The following EHMT1 variants were observed in gnomAD, a reference collection of about 807,000 sequenced individuals.
EHMT1 encodes the protein histone-lysine N-methyltransferase EHMT1.
A neutral mutation model predicts 147.2 loss-of-function variants in EHMT1; 15 were observed. That is an observed-to-expected ratio of 0.10 (90% CI 0.07 to 0.16). EHMT1 has a LOEUF of 0.16. EHMT1 is among the 10% of genes least tolerant of loss of function. The pLI is 1.00. For synonymous variants in EHMT1, 795 were observed against 709.6 expected (o/e 1.12, Z -1.91); for missense variants, 1,587 against 1,772.4 (o/e 0.90, Z 1.88).
intron 1 of EHMT1, among the ~76,000 whole-genome samples, chr9:137,682,155 C>T (rs566282809): frequency 3.9e-5 from 6 of 152,008 alleles, no homozygotes; most frequent in East Asian, 1.9e-4. Context: ...TCTCCGTGTT[C>T]GTCAGGATGG....
At chr9:137,815,136 G>A (rs1364953605) in intron 22 of EHMT1, among the ~76,000 whole-genome samples, 3 of 152,148 alleles carry the variant, frequency 2.0e-5, no homozygotes, top group South Asian at 4.1e-4. Context: ...GTAAAGAGAC[G>A]CGAGCAGGGA....
rs1361231265 is a variant in EHMT1 at position 137,716,815 on chromosome 9, C to G, written c.275C>G (p.Ala92Gly). The G allele has an allele frequency of 2.5e-6, 4 of 1,613,178 alleles. No individual in the cohort carries two copies. Among genetic ancestry groups the G allele is most frequent in the East Asian group, 2.2e-5 (1 of 44,900 alleles). Residue 92 changes from alanine to glycine, a missense_variant, in exon 3 of 27, where the codon GCG becomes GGG. Physicochemically the swap from Ala to Gly is moderately conservative, Grantham distance 60. This residue lies in a region of EHMT1 where 810 missense variants were observed against 673.0 expected (regional missense o/e 1.20). Coordinates refer to ENST00000460843, the MANE Select transcript of EHMT1 (RefSeq NM_024757.5). Reference sequence around the variant, plus strand: ...GGCACCAACACACTAACTCGGATAGCGGAAAATGGGGTTTCAGAAAGAGAC... The same window carrying G: ...GGCACCAACACACTAACTCGGATAGGGGAAAATGGGGTTTCAGAAAGAGAC... ...QDGTNTLTRI[A>G]ENGVSERDSE...
chr9:137,798,695 A>G (rs1159159627), intron 16 of EHMT1, 118 bp from the exon 17 acceptor site: 6 of 849,118 alleles, frequency 7.1e-6, no homozygotes, highest in Admixed American at 5.2e-5. Context: ...TTGTCATTTG[A>G]GCAGGACAGT....
intron 1 of EHMT1, chr9:137,667,168 C>CT (rs1939760211): frequency 6.6e-6 from 1 of 152,200 alleles, no homozygotes; most frequent in African/African-American, 2.4e-5. Context: ...TGTGGGGATG[C>CT]TGTGCACTGG....
intron 2 of EHMT1, among the ~76,000 whole-genome samples, chr9:137,711,458 C>T (rs555175036): frequency 2.0e-5 from 3 of 152,244 alleles, no homozygotes; most frequent in East Asian, 1.9e-4. Context: ...GCATGACTGA[C>T]GCCGCGCCAT....
At position 137,834,336 on chromosome 9, in the gene EHMT1, T is replaced by C; in HGVS notation, c.3541-13T>C. 1 of 1,560,070 alleles carries C rather than the reference T, an allele frequency of 6.4e-7. No homozygotes were observed. The highest frequency in any genetic ancestry group is 8.6e-7 in the Non-Finnish European group (1 of 1,165,782). The stretch of plus-strand genomic sequence containing the variant: ...TTGCTAACTGCAGCCCGTGCCGGCT[T>C]CTCGCCCTGCAGGACGGGGAGGTTT... On this transcript the variant is annotated splice_polypyrimidine_tract_variant and intron_variant, in intron 25 of 26. Transcript: ENST00000460843.
rs1006681981 is a variant in EHMT1 at position 137,835,220 on chromosome 9, C to T, written c.*267C>T. 8.2e-6 allele frequency: 3 copies of T among 365,452 alleles called. No homozygotes were observed. Among genetic ancestry groups the T allele is most frequent in the Non-Finnish European group, 1.5e-5 (3 of 206,356 alleles). The allele number at this position is 365,452 out of a possible 1,614,324, so 22.6% of individuals were successfully genotyped here. A position where few individuals can be genotyped will look rare whatever the true frequency, so the allele number is the denominator to read the frequency against. On this transcript the variant is annotated 3_prime_UTR_variant, in exon 27 of 27. Coordinates refer to ENST00000460843, the MANE Select transcript of EHMT1 (RefSeq NM_024757.5). ...CCGCGCGCCAGAGACGCTGGGAGTCCGCACTGGCATCACCTTCTGAGTTTC... is the reference window on the plus strand; with the variant it reads ...CCGCGCGCCAGAGACGCTGGGAGTCTGCACTGGCATCACCTTCTGAGTTTC...
At chr9:137,722,615 C>G (rs9410040) in intron 3 of EHMT1, among the ~76,000 whole-genome samples, 136,187 of 150,498 alleles carry the variant, frequency 0.9, 61,743 homozygotes, top group African/African-American at 0.97. Context: ...CCTGCACCTG[C>G]GGTGTGCTCT....
chr9:137,691,569 A>G (rs1942940979), intron 1 of EHMT1, among the ~76,000 whole-genome samples: 1 of 152,200 alleles, frequency 6.6e-6, no homozygotes, highest in South Asian at 2.1e-4. Context: ...CCCCTTGGCT[A>G]TTGCAAGCAA....
chr9:137,635,034 C>T (rs189094341), intron 1 of EHMT1, among the ~76,000 whole-genome samples: 15 of 151,150 alleles, frequency 9.9e-5, no homozygotes, highest in Middle Eastern at 6.8e-3. Context: ...CTTGGATTTT[C>T]GTATGAGTTT....
chr9:137,716,651 C>G lies in EHMT1; in HGVS notation c.111C>G (p.Gly37=). ...AGACACCTATGGCTGCCGATGAAGGCTCAGCAGAGAAACAGGCAGGAGAGG... is the reference window on the plus strand; with the variant it reads ...AGACACCTATGGCTGCCGATGAAGGGTCAGCAGAGAAACAGGCAGGAGAGG... ...GEETPMAADE[G]SAEKQAGEAH... is the part of the protein sequence containing the mutation. Residue 37 remains glycine, a synonymous_variant, in exon 3 of 27, where the codon GGC becomes GGG. Coordinates refer to ENST00000460843, the MANE Select transcript of EHMT1 (RefSeq NM_024757.5). 5.0e-6 allele frequency: 8 copies of G among 1,586,026 alleles called. No homozygotes were observed. Among genetic ancestry groups the G allele is most frequent in the Non-Finnish European group, 6.9e-6 (8 of 1,163,474 alleles).
At chr9:137,659,039 G>A (rs1329548277) in intron 1 of EHMT1, among the ~76,000 whole-genome samples, 1 of 152,070 alleles carries the variant, frequency 6.6e-6, no homozygotes, top group Admixed American at 6.6e-5. Flanking sequence ...TTGAATGTGT[G>A]TAAAACGGCA....
chr9:137,802,740 C>T, intron 18 of EHMT1: 1 of 1,131,838 alleles, frequency 8.8e-7, no homozygotes, highest in Non-Finnish European at 1.1e-6. Context: ...ACGCAGGCCT[C>T]TCTGGAGTGA....
intron 25 of EHMT1, among the ~76,000 whole-genome samples, chr9:137,833,782 G>A (rs1329454848): frequency 6.6e-6 from 1 of 152,240 alleles, no homozygotes; most frequent in African/African-American, 2.4e-5. Context: ...ATCAGCACCC[G>A]GAAGGGCTGC....
At chr9:137,772,867 C>G (rs1950682326) in intron 10 of EHMT1, among the ~76,000 whole-genome samples, 1 of 152,112 alleles carries the variant, frequency 6.6e-6, no homozygotes, top group African/African-American at 2.4e-5. Context: ...TGTTTTATCT[C>G]TTTTTTCCCA....
At chr9:137,780,989 A>G (rs1951422040) in intron 14 of EHMT1, among the ~76,000 whole-genome samples, 1 of 142,216 alleles carries the variant, frequency 7.0e-6, no homozygotes. Context: ...TGACGCTGGG[A>G]TGTGTGGTGA....
chr9:137,803,253 A>G, intron 18 of EHMT1: 1 of 1,063,200 alleles, frequency 9.4e-7, no homozygotes, highest in Non-Finnish European at 1.1e-6. Context: ...GGTAGGCTGC[A>G]TATATTCAAA....
At chr9:137,792,037 C>G (rs1952564696) in intron 16 of EHMT1, 1 of 465,040 alleles carries the variant, frequency 2.2e-6, no homozygotes, top group Non-Finnish European at 4.4e-6. Flanking sequence ...CCAGCGCTAA[C>G]AGCTTTTTTT....
At chr9:137,761,827 G>C (rs941684568) in intron 9 of EHMT1, among the ~76,000 whole-genome samples, 2 of 152,216 alleles carry the variant, frequency 1.3e-5, no homozygotes, top group African/African-American at 4.8e-5. Flanking sequence ...TTCTATTTCT[G>C]CTTTGACTGT....
Sources: allele counts gnomAD v4.1 joint callset (sites outside exome capture counted in the v4.1 genomes callset), GRCh38; gene constraint gnomAD v4.1.1; regional missense constraint gnomAD v4.1.1; transcripts MANE v1.5; gene names NCBI Gene and HGNC (gene_info 2026-07-23, HGNC 2026-07-21).